Variants in DLG2 observed in about 807,000 individuals in gnomAD.
The protein encoded by DLG2 is discs large MAGUK scaffold protein 2.
DLG2 carries 45 observed loss-of-function variants against 132.5 expected under a neutral mutation model. The ratio of observed to expected loss-of-function variants is 0.34; its 90% CI spans 0.27 to 0.44. The LOEUF (loss-of-function observed/expected upper bound fraction) is 0.44. DLG2 is among the 20% of genes least tolerant of loss of function. The pLI is 1.00. For missense variants in DLG2, 1,045 were observed against 1,196.9 expected (o/e 0.87, Z 1.87); for synonymous variants, 424 against 419.6 (o/e 1.01, Z -0.13).
intron 19 of DLG2, among the ~76,000 whole-genome samples, chr11:83,610,528 T>C (rs1019003440): frequency 7.1e-6 from 1 of 140,904 alleles, no homozygotes. Flanking sequence ...ACTGGCAGTA[T>C]AGCAACCAAC....
At chr11:83,965,513 C>CAGA in intron 12 of DLG2, 45 bp from the exon 13 acceptor site, 1 of 1,491,456 alleles carries the variant, frequency 6.7e-7, no homozygotes, top group Non-Finnish European at 9.1e-7. Context: ...ATCTATGGAG[C>CAGA]AGAAGAAAAA....
intron 6 of DLG2, among the ~76,000 whole-genome samples, chr11:84,667,287 G>A (rs569244453): frequency 6.6e-6 from 1 of 152,072 alleles, no homozygotes; most frequent in South Asian, 2.1e-4. Flanking sequence ...CATGTCTTGT[G>A]AGAGACAAAA....
At chr11:85,487,144 T>C (rs996889247) in intron 3 of DLG2, among the ~76,000 whole-genome samples, 1 of 151,032 alleles carries the variant, frequency 6.6e-6, no homozygotes, top group Non-Finnish European at 1.5e-5. Flanking sequence ...TATATATATA[T>C]CTTGTATGTC....
At chr11:83,783,650 C>T (rs1351388983) in intron 18 of DLG2, among the ~76,000 whole-genome samples, 1 of 152,212 alleles carries the variant, frequency 6.6e-6, no homozygotes, top group East Asian at 1.9e-4. Flanking sequence ...CTATCAGCTA[C>T]CTATATTTTG....
At chr11:83,877,586 G>A (rs939465462) in intron 15 of DLG2, among the ~76,000 whole-genome samples, 4 of 152,078 alleles carry the variant, frequency 2.6e-5, no homozygotes, top group African/African-American at 9.7e-5. Flanking sequence ...CAAAGTAAAT[G>A]CAAATGGTAC....
At chr11:85,025,506 A>G (rs1484777408) in intron 6 of DLG2, among the ~76,000 whole-genome samples, 1 of 152,218 alleles carries the variant, frequency 6.6e-6, no homozygotes, top group Non-Finnish European at 1.5e-5. Context: ...AAATGATACA[A>G]CTTTATTGAA....
intron 3 of DLG2, among the ~76,000 whole-genome samples, chr11:85,333,415 G>A (rs1470310443): frequency 6.6e-6 from 1 of 151,922 alleles, no homozygotes; most frequent in Non-Finnish European, 1.5e-5. Flanking sequence ...CTATCTGAAT[G>A]TCTTTTATTT....
intron 21 of DLG2, among the ~76,000 whole-genome samples, chr11:83,511,597 T>A (rs2095035050): frequency 2.0e-5 from 3 of 152,106 alleles, no homozygotes; most frequent in South Asian, 4.1e-4. Flanking sequence ...GATAAGTATT[T>A]TTATTATTAT....
At chr11:84,038,615 G>T (rs1268520804) in intron 11 of DLG2, among the ~76,000 whole-genome samples, 1 of 151,906 alleles carries the variant, frequency 6.6e-6, no homozygotes, top group African/African-American at 2.4e-5. Context: ...CCCTCTCTGG[G>T]GCAACTACTG....
intron 8 of DLG2, among the ~76,000 whole-genome samples, chr11:84,207,430 G>C (rs2096685713): frequency 6.6e-6 from 1 of 151,988 alleles, no homozygotes. Context: ...TATGGTATTG[G>C]CATATGCTAG....
intron 6 of DLG2, among the ~76,000 whole-genome samples, chr11:85,070,291 T>A (rs1046071991): frequency 2.6e-4 from 37 of 144,414 alleles, no homozygotes; most frequent in African/African-American, 9.8e-4. Flanking sequence ...ACCCTAGAAC[T>A]TAAAGTATAA....
At chr11:85,606,502 T>A (rs1318832915) in intron 2 of DLG2, among the ~76,000 whole-genome samples, 1 of 152,046 alleles carries the variant, frequency 6.6e-6, no homozygotes, top group Non-Finnish European at 1.5e-5. Context: ...AACGGACCAA[T>A]CAGCACTCTA....
At chr11:85,494,518 T>C (rs1220562659) in intron 3 of DLG2, among the ~76,000 whole-genome samples, 1 of 152,066 alleles carries the variant, frequency 6.6e-6, no homozygotes, top group East Asian at 1.9e-4. Flanking sequence ...AAGTAAGCAA[T>C]GTTAAAATTT....
chr11:84,938,327 T>C (rs1299834940), intron 6 of DLG2, among the ~76,000 whole-genome samples: 2 of 152,250 alleles, frequency 1.3e-5, no homozygotes, highest in East Asian at 1.9e-4. Context: ...ATCATATATA[T>C]TGATTTTATG....
At chr11:85,609,436 A>T (rs1279978284) in intron 2 of DLG2, among the ~76,000 whole-genome samples, 1 of 152,218 alleles carries the variant, frequency 6.6e-6, no homozygotes, top group Non-Finnish European at 1.5e-5. Context: ...AGCCTTAGTC[A>T]TGGCCCTCAG....
intron 6 of DLG2, among the ~76,000 whole-genome samples, chr11:84,699,467 G>A (rs900701136): frequency 1.3e-5 from 2 of 151,490 alleles, no homozygotes; most frequent in African/African-American, 4.8e-5. Flanking sequence ...GTGAGGGGAA[G>A]AGCATTCTGT....
chr11:84,583,322 T>C (rs534012196), intron 6 of DLG2, among the ~76,000 whole-genome samples: 1 of 152,316 alleles, frequency 6.6e-6, no homozygotes, highest in Non-Finnish European at 1.5e-5. Flanking sequence ...CTGTCACAGA[T>C]GCAGAAGATA....
intron 3 of DLG2, among the ~76,000 whole-genome samples, chr11:85,501,985 A>C (rs929128123): frequency 5.3e-5 from 8 of 152,206 alleles, no homozygotes; most frequent in Non-Finnish European, 1.0e-4. Context: ...TTATTGTGGC[A>C]TTATTCACAA....
intron 3 of DLG2, among the ~76,000 whole-genome samples, chr11:85,506,781 T>C (rs2093945182): frequency 6.6e-6 from 1 of 152,214 alleles, no homozygotes; most frequent in Non-Finnish European, 1.5e-5. Context: ...TTGTTAACTT[T>C]CTGTCTCGTT....
Sources: gnomAD v4.1 joint callset for allele counts (sites outside exome capture counted in the v4.1 genomes callset) on GRCh38, gnomAD v4.1.1 for gene constraint, MANE v1.5 for transcripts, NCBI Gene and HGNC (gene_info 2026-07-23, HGNC 2026-07-21) for gene names.